KMT2A: variants seen among roughly 807,000 people sequenced by gnomAD.
KMT2A encodes histone-lysine N-methyltransferase 2A.
Under a neutral mutation model 345.3 loss-of-function variants are expected in KMT2A, and 16 were observed. The ratio of observed to expected loss-of-function variants is 0.05; its 90% CI spans 0.03 to 0.07. The LOEUF (loss-of-function observed/expected upper bound fraction) is 0.07. Ranked by LOEUF, KMT2A falls within the 10% of genes least tolerant of loss-of-function variation. The probability of loss-of-function intolerance (pLI) is 1.00; values close to 1 mark genes in which losing one functional copy is unlikely to be tolerated. For synonymous variants in KMT2A, 1,599 were observed against 1,778.6 expected (o/e 0.90, Z 2.54); for missense variants, 3,272 against 4,841.6 (o/e 0.68, Z 9.62).
chr11:118,442,957 G>GT (rs1949344187), intron 1 of KMT2A, among the ~76,000 whole-genome samples: 2 of 152,174 alleles, frequency 1.3e-5, no homozygotes, highest in South Asian at 4.1e-4. Flanking sequence ...GATCACATCA[G>GT]TATGAGGTTA....
Position 118,493,225 on chromosome 11 carries a change from T to C in KMT2A, c.5173T>C (p.Ser1725Pro). 6.2e-7 allele frequency: 1 copy of C among 1,613,930 alleles called. No individual in the cohort carries two copies. The highest frequency in any genetic ancestry group is 8.5e-7 in the Non-Finnish European group (1 of 1,179,802). The change falls in exon 16 of 36, where the codon TCT (serine) becomes CCT (proline). Residue 1725 changes from serine to proline, a missense_variant. Coordinates refer to ENST00000534358, the MANE Select transcript of KMT2A (RefSeq NM_001197104.2). This position sits in a 1 kb window ranked among gnomAD's most constrained non-coding sequence, Gnocchi z 5.8. ...KRKMDQGNYTSVLEFSDDIVK... is the reference protein window; with the variant it reads ...KRKMDQGNYTPVLEFSDDIVK... ...GAAGATGGACCAAGGGAATTACACA[T>C]CTGTGGTATGTTTCTACAGTGAGCC... is the stretch of plus-strand genomic sequence containing the variant.
intron 1 of KMT2A, among the ~76,000 whole-genome samples, chr11:118,439,346 A>T (rs545494394): frequency 4.5e-4 from 69 of 152,318 alleles, no homozygotes; most frequent in Admixed American, 2.2e-3. Flanking sequence ...CTTCTTGTTC[A>T]GTATGCTTAT....
Position 118,502,334 on chromosome 11 carries a change from C to T in KMT2A, c.6506-64C>T. The T allele has an allele frequency of 1.9e-6, 2 of 1,056,060 alleles. No individual in the cohort carries two copies. The highest frequency in any genetic ancestry group is 2.7e-6 in the Non-Finnish European group (2 of 729,266). The allele number at this position is 1,056,060 out of a possible 1,614,324, so 65.4% of individuals were successfully genotyped here. Reference sequence around the variant, plus strand: ...TATATATATAGTCAAATCATTGAAACCAGTGACTTCTACACATTTGTTCTA... The same window carrying T: ...TATATATATAGTCAAATCATTGAAATCAGTGACTTCTACACATTTGTTCTA... On this transcript the variant is annotated intron_variant, in intron 26 of 35. Coordinates refer to ENST00000534358, the MANE Select transcript of KMT2A (RefSeq NM_001197104.2). This position sits in a 1 kb window ranked among gnomAD's most constrained non-coding sequence, Gnocchi z 4.9.
rs782368382 is a variant in KMT2A at position 118,506,572 on chromosome 11, T to G, written c.10680T>G (p.Val3560=). Residue 3560 remains valine (V), a synonymous_variant, in exon 27 of 36, where the codon GTT becomes GTG. Coordinates refer to ENST00000534358, the MANE Select transcript of KMT2A (RefSeq NM_001197104.2). The part of the protein sequence containing the change: ...LDKGNGKKHK[V]SHLRTSSSEA... ...AAGGGAATGGCAAGAAGCACAAAGT[T>G]TCCCATTTGCGGACCAGTTCTTCTG... 3 of 1,614,116 alleles carry G rather than the reference T, an allele frequency of 1.9e-6. No individual in the cohort carries two copies. Among genetic ancestry groups the G allele is most frequent in the Admixed American group, 3.3e-5 (2 of 60,022 alleles).
Position 118,514,815 on chromosome 11 carries a change from TAGAGTC to T in KMT2A, c.11146+2793_11146+2798del, listed in dbSNP as rs1430058735. ...TGCCTGGCTAATTTTGTATTTTTAG[TAGAGTC>T]AGGGTTTCTCCATCTTGGTAAGGCT... On this transcript the variant is annotated intron_variant, in intron 31 of 35. Coordinates refer to ENST00000534358, the MANE Select transcript of KMT2A (RefSeq NM_001197104.2). 3.3e-5 allele frequency among the ~76,000 whole-genome samples: 5 copies of T among 152,246 alleles called. No individual in the cohort carries two copies. The East Asian group carries it at 9.6e-4, about 29-fold the overall frequency.
chr11:118,504,853 T>A lies in KMT2A; in HGVS notation c.8961T>A (p.Thr2987=), dbSNP rs9332842. The A allele has an allele frequency of 3.4e-3, 5,431 of 1,614,090 alleles. 162 individuals carry two copies. The African/African-American group carries it at 0.06, about 18-fold the overall frequency. ...TGCTGAGCCCAGGAGTAGATCCAAC[T>A]CCTGAAGGCCACATGACTCCTGATC... is the stretch of plus-strand genomic sequence containing the variant. The part of the protein sequence containing the change: ...PALLSPGVDP[T]PEGHMTPDHF... The change falls in exon 27 of 36, where the codon ACT becomes ACA. Residue 2987 remains threonine, a synonymous_variant. Transcript: ENST00000534358. The surrounding 1 kb of genome is among the most constrained non-coding windows in gnomAD (Gnocchi z 6.4).
Position 118,522,214 on chromosome 11 carries a change from G to T in KMT2A, c.*42G>T, listed in dbSNP as rs992190926. 21 of 1,599,648 alleles carry T rather than the reference G, an allele frequency of 1.3e-5. No individual in the cohort carries two copies. In the Admixed American group the frequency reaches 3.5e-4, roughly 27 times the overall value. On this transcript the variant is annotated 3_prime_UTR_variant, in exon 36 of 36. Coordinates refer to ENST00000534358, the MANE Select transcript of KMT2A (RefSeq NM_001197104.2). The surrounding 1 kb of genome is among the most constrained non-coding windows in gnomAD (Gnocchi z 5.4). ...CAGTGTTGGAGTGCAAGGAGGCGGG[G>T]CCATCCAAAGCAACGCTGAAGGCCT... is the stretch of plus-strand genomic sequence containing the variant.
In KMT2A at chr11:118,491,111, A is replaced by C; in HGVS notation, c.4697-85A>C. 7.3e-7 allele frequency: 1 copy of C among 1,373,584 alleles called. No individual in the cohort carries two copies. Among genetic ancestry groups the C allele is most frequent in the Admixed American group, 2.0e-5 (1 of 50,790 alleles). 85.1% of individuals were successfully genotyped at this position (1,373,584 alleles called of 1,614,324 possible). A position where few individuals can be genotyped will look rare whatever the true frequency, so the allele number is the denominator to read the frequency against. On this transcript the variant is annotated intron_variant, in intron 13 of 35. Coordinates refer to ENST00000534358, the MANE Select transcript of KMT2A (RefSeq NM_001197104.2). This position sits in a 1 kb window ranked among gnomAD's most constrained non-coding sequence, Gnocchi z 4.2. ...TGATCCCAGAAGAATATAGATTTAGATTGGGTTGGTAAATGCAAGTCGAGG... is the reference window on the plus strand; with the variant it reads ...TGATCCCAGAAGAATATAGATTTAGCTTGGGTTGGTAAATGCAAGTCGAGG...
intron 1 of KMT2A, among the ~76,000 whole-genome samples, chr11:118,437,780 G>A (rs1413985064): frequency 2.0e-5 from 3 of 151,582 alleles, no homozygotes; most frequent in Admixed American, 2.0e-4. Flanking sequence ...TGAAGGATTA[G>A]TGGCATCTTG....
rs1555040331 is a variant in KMT2A, at chr11:118,484,442, G to A, written c.4218+128G>A. ...GGGGAATGAATAAGAACTCCCATTA[G>A]CAGGTGGGTTTAGCGCTGGGAGAGC... On this transcript the variant is annotated intron_variant, in intron 9 of 35. Transcript: ENST00000534358. The surrounding 1 kb of genome is among the most constrained non-coding windows in gnomAD (Gnocchi z 4.1). The A allele has an allele frequency of 1.0e-6, 1 of 996,372 alleles. No individual in the cohort carries two copies. Among genetic ancestry groups the A allele is most frequent in the African/African-American group, 1.6e-5 (1 of 61,324 alleles). 61.7% of individuals were successfully genotyped at this position (996,372 alleles called of 1,614,324 possible).
chr11:118,465,514 A>G (rs1555033924), intron 1 of KMT2A, among the ~76,000 whole-genome samples: 1 of 152,214 alleles, frequency 6.6e-6, no homozygotes. Context: ...GTGATTTCAC[A>G]TAAATTATTT....
intron 11 of KMT2A, among the ~76,000 whole-genome samples, 175 bp downstream of exon 11, chr11:118,488,935 C>G (rs1555041710): frequency 2.0e-5 from 3 of 152,064 alleles, no homozygotes; most frequent in Non-Finnish European, 4.4e-5. Context: ...AGTATAACAA[C>G]TATTTACATT....
intron 3 of KMT2A, among the ~76,000 whole-genome samples, chr11:118,475,101 C>A (rs1189345422): frequency 6.6e-6 from 1 of 152,112 alleles, no homozygotes; most frequent in Non-Finnish European, 1.5e-5. Flanking sequence ...CCACTGCACT[C>A]CAGCCTGGGC....
chr11:118,472,292 G>A lies in KMT2A; in HGVS notation c.1133G>A (p.Arg378Lys), dbSNP rs2134260259. ...DATIAKQLLQ[R>K]AKKGAQKKIE... Reference sequence around the variant, plus strand: ...ACCATTGCTAAGCAACTCTTACAGAGGGCAAAAAAGGGGGCTCAAAAGAAA... The same window carrying A: ...ACCATTGCTAAGCAACTCTTACAGAAGGCAAAAAAGGGGGCTCAAAAGAAA... Residue 378 changes from arginine (R) to lysine (K), a missense_variant, in exon 3 of 36, where the codon AGG becomes AAG. By Grantham distance (26) the Arg-to-Lys change is conservative (BLOSUM62 2). This residue lies in a region of KMT2A where 412 missense variants were observed against 511.0 expected (regional missense o/e 0.81). Coordinates refer to ENST00000534358, the MANE Select transcript of KMT2A (RefSeq NM_001197104.2). The A allele has an allele frequency of 6.2e-7, 1 of 1,613,986 alleles. No individual in the cohort carries two copies. The highest frequency in any genetic ancestry group is 8.5e-7 in the Non-Finnish European group (1 of 1,179,992).
At position 118,436,890 on chromosome 11, in the gene KMT2A, G is replaced by C. The variant is rs1555138797; in HGVS notation, c.378G>C (p.Leu126=). 1 of 1,589,992 alleles carries C rather than the reference G, an allele frequency of 6.3e-7. No homozygotes were observed. The highest frequency in any genetic ancestry group is 1.7e-5 in the Admixed American group (1 of 57,294). Residue 126 remains leucine, a synonymous_variant, in exon 1 of 36, where the codon CTG becomes CTC. Coordinates refer to ENST00000534358, the MANE Select transcript of KMT2A (RefSeq NM_001197104.2). This position sits in a 1 kb window ranked among gnomAD's most constrained non-coding sequence, Gnocchi z 6.9. ...TCTCGGCCGCCATCGGCACCAACCTGCGCCGGTTCCGGGCCGTGTTTGGGG... is the reference window on the plus strand; with the variant it reads ...TCTCGGCCGCCATCGGCACCAACCTCCGCCGGTTCCGGGCCGTGTTTGGGG... ...LQVSAAIGTN[L]RRFRAVFGES...
intron 22 of KMT2A, 149 bp from the exon 23 acceptor site, chr11:118,499,154 C>T: frequency 3.3e-6 from 2 of 610,244 alleles, no homozygotes; most frequent in South Asian, 2.4e-5. Flanking sequence ...GGCACCACCT[C>T]TTTTGGGAAA....
chr11:118,472,856 T>C lies in KMT2A; in HGVS notation c.1697T>C (p.Leu566Pro). The C allele has an allele frequency of 6.2e-7, 1 of 1,613,998 alleles. No individual in the cohort carries two copies. The highest frequency in any genetic ancestry group is 8.5e-7 in the Non-Finnish European group (1 of 1,179,978). The change falls in exon 3 of 36, where the codon CTG becomes CCG. Residue 566 changes from leucine to proline, a missense_variant. Physicochemically the swap from Leu to Pro is moderately conservative, Grantham distance 98. This residue lies in a region of KMT2A where 180 missense variants were observed against 190.7 expected (regional missense o/e 0.94). Transcript: ENST00000534358. ...QTSSSPPPPL[L>P]TPPPPLQPAS... ...TCCTCGTCTCCACCTCCACCTCTGC[T>C]GACTCCACCGCCACCACTGCAGCCA...
intron 1 of KMT2A, among the ~76,000 whole-genome samples, chr11:118,461,403 A>C (rs1294315498): frequency 6.6e-6 from 1 of 152,212 alleles, no homozygotes; most frequent in Admixed American, 6.5e-5. Flanking sequence ...TACATAGCTT[A>C]ATTTGCTGTC....
At position 118,502,453 on chromosome 11, in the gene KMT2A, C is replaced by T. The variant is rs950656522; in HGVS notation, c.6561C>T (p.Ser2187=). The T allele has an allele frequency of 6.2e-7, 1 of 1,613,730 alleles. No individual in the cohort carries two copies. Among genetic ancestry groups the T allele is most frequent in the Non-Finnish European group, 8.5e-7 (1 of 1,179,856 alleles). Reference sequence around the variant, plus strand: ...TCACAGTAGGTGATCCTTTACTCTCCTCTGGACTTCGAAGCATTGGCTCCA... The same window carrying T: ...TCACAGTAGGTGATCCTTTACTCTCTTCTGGACTTCGAAGCATTGGCTCCA... ...EIVTVGDPLL[S]SGLRSIGSRR... is the part of the protein sequence containing the mutation. Residue 2187 remains serine (S), a synonymous_variant, in exon 27 of 36, where the codon TCC becomes TCT. Coordinates refer to ENST00000534358, the MANE Select transcript of KMT2A (RefSeq NM_001197104.2). This position sits in a 1 kb window ranked among gnomAD's most constrained non-coding sequence, Gnocchi z 4.9.
Sources: allele counts gnomAD v4.1 joint callset (sites outside exome capture counted in the v4.1 genomes callset), GRCh38; gene constraint gnomAD v4.1.1; regional missense constraint gnomAD v4.1.1; non-coding constraint Gnocchi (gnomAD v3.1); transcripts MANE v1.5; gene names NCBI Gene and HGNC (gene_info 2026-07-23, HGNC 2026-07-21).